YES1: variants seen among roughly 807,000 people sequenced by gnomAD.
YES1 encodes the protein YES proto-oncogene 1, Src family tyrosine kinase.
In YES1, 39 loss-of-function variants were observed where a neutral mutation model predicts 70.4. The ratio of observed to expected loss-of-function variants is 0.55; its 90% confidence interval spans 0.43 to 0.72. YES1 has a LOEUF of 0.72. YES1 is among the 30% of genes least tolerant of loss of function. The pLI is 0.00. For missense variants in YES1, 495 were observed against 644.8 expected (o/e 0.77, Z 2.52); for synonymous variants, 198 against 218.6 (o/e 0.91, Z 0.83).
At chr18:736,783 A>G (rs774143672) in intron 10 of YES1, 25 bp downstream of exon 10, 60 of 1,605,202 alleles carry the variant, frequency 3.7e-5, no homozygotes, top group Non-Finnish European at 4.8e-5. Context: ...ACACATTACA[A>G]GCTTTTATGT....
At chr18:791,176 G>C (rs1906227967) in intron 1 of YES1, among the ~76,000 whole-genome samples, 1 of 151,648 alleles carries the variant, frequency 6.6e-6, no homozygotes, top group Non-Finnish European at 1.5e-5. Context: ...CTTGAGTCCA[G>C]GAGGCGGAGG....
intron 1 of YES1, among the ~76,000 whole-genome samples, chr18:794,562 G>A (rs1436798088): frequency 2.0e-5 from 3 of 151,826 alleles, no homozygotes; most frequent in African/African-American, 7.3e-5. Flanking sequence ...GGCTGCTGTA[G>A]AAAAAAAATG....
chr18:811,720 T>TA (rs1338377634), intron 1 of YES1, among the ~76,000 whole-genome samples: 1 of 152,128 alleles, frequency 6.6e-6, no homozygotes, highest in African/African-American at 2.4e-5. Flanking sequence ...CCCCAGCCTT[T>TA]AGGACCCAAA....
At chr18:774,305 T>C (rs1905278415) in intron 1 of YES1, among the ~76,000 whole-genome samples, 1 of 152,224 alleles carries the variant, frequency 6.6e-6, no homozygotes, top group Admixed American at 6.5e-5. Context: ...CCCAGTCTTA[T>C]ATCTTTAAAT....
At chr18:725,017 C>G (rs983100529) in intron 11 of YES1, among the ~76,000 whole-genome samples, 1 of 152,192 alleles carries the variant, frequency 6.6e-6, no homozygotes, top group Non-Finnish European at 1.5e-5. Flanking sequence ...AACTTTAAAA[C>G]AGGAATTCAG....
intron 10 of YES1, 80 bp downstream of exon 10, chr18:736,728 T>C (rs2080157430): frequency 1.3e-6 from 2 of 1,514,230 alleles, no homozygotes; most frequent in African/African-American, 1.4e-5. Flanking sequence ...ACAATTCTTA[T>C]TCTGGAAAAC....
At chr18:766,759 G>T (rs992875163) in intron 1 of YES1, among the ~76,000 whole-genome samples, 3 of 152,006 alleles carry the variant, frequency 2.0e-5, no homozygotes, top group Admixed American at 2.0e-4. Context: ...AAACTAAAGT[G>T]TCTGTTCAAA....
intron 1 of YES1, among the ~76,000 whole-genome samples, chr18:799,534 A>T (rs994101324): frequency 6.6e-6 from 1 of 151,656 alleles, no homozygotes; most frequent in Non-Finnish European, 1.5e-5. Context: ...ACATGGTGAA[A>T]TCCCATCTTT....
intron 1 of YES1, among the ~76,000 whole-genome samples, chr18:791,332 T>C (rs1459191859): frequency 6.6e-6 from 1 of 151,904 alleles, no homozygotes; most frequent in African/African-American, 2.4e-5. Flanking sequence ...ATCATGCAGC[T>C]TGCAATCTTA....
intron 1 of YES1, among the ~76,000 whole-genome samples, chr18:800,362 C>G (rs968966901): frequency 2.6e-5 from 4 of 152,216 alleles, no homozygotes; most frequent in African/African-American, 4.8e-5. Flanking sequence ...CCTCACGGAG[C>G]TTACATTCCA....
chr18:754,483 C>T (rs1257731101), intron 2 of YES1, among the ~76,000 whole-genome samples: 1 of 152,060 alleles, frequency 6.6e-6, no homozygotes, highest in Non-Finnish European at 1.5e-5. Context: ...AAGGCAGGCA[C>T]ATCCCCTAAA....
At chr18:726,781 CAAAAAAAAAAAAAAAA>C (rs58322434) in intron 11 of YES1, among the ~76,000 whole-genome samples, 23 of 47,254 alleles carry the variant, frequency 4.9e-4, no homozygotes, top group Admixed American at 2.0e-3. Flanking sequence ...ACTCTTGTCT[CAAAAAAAAAAAAAAAA>C]AAAAAAAAAA....
intron 1 of YES1, among the ~76,000 whole-genome samples, chr18:787,482 G>A (rs1906023898): frequency 6.6e-6 from 1 of 152,048 alleles, no homozygotes; most frequent in Admixed American, 6.5e-5. Context: ...GGCCAAGCCA[G>A]GTGGATCACT....
At chr18:748,111 G>A in intron 3 of YES1, 93 bp from the exon 4 acceptor site, 3 of 945,928 alleles carry the variant, frequency 3.2e-6, no homozygotes, top group East Asian at 2.5e-5. Flanking sequence ...GTAAACAAAG[G>A]GTATTACTTT....
intron 1 of YES1, among the ~76,000 whole-genome samples, chr18:766,634 T>C (rs1352141691): frequency 2.0e-5 from 3 of 152,084 alleles, no homozygotes; most frequent in Non-Finnish European, 4.4e-5. Context: ...TGTAGTGATA[T>C]CCCTTTGTGG....
At chr18:763,536 A>C (rs1044434148) in intron 1 of YES1, among the ~76,000 whole-genome samples, 1 of 151,894 alleles carries the variant, frequency 6.6e-6, no homozygotes, top group Non-Finnish European at 1.5e-5. Flanking sequence ...CTCTACAAAA[A>C]ATACAAAAAA....
At chr18:788,798 C>T (rs775975076) in intron 1 of YES1, among the ~76,000 whole-genome samples, 2 of 152,022 alleles carry the variant, frequency 1.3e-5, no homozygotes, top group Non-Finnish European at 2.9e-5. Flanking sequence ...TGGTGGTGTG[C>T]GCCTGTAGTG....
intron 11 of YES1, among the ~76,000 whole-genome samples, chr18:730,328 C>G (rs1210898445): frequency 2.0e-5 from 3 of 150,638 alleles, no homozygotes; most frequent in African/African-American, 7.4e-5. Context: ...TAGAACTGAC[C>G]AAGGACCCAA....
rs2080299354 is a variant in YES1, at chr18:747,935, G to C, written c.455C>G (p.Ser152Cys). ...IPSNYVAPAD[S>C]IQAEEWYFGK... ...AGTGCCATACTCTTCTGCCTGAATG[G>C]AATCTGCAGGCGCTACATAATTGCT... The change falls in exon 4 of 12, where the codon TCC becomes TGC. Residue 152 changes from serine (S) to cysteine (C), a missense_variant. Ser to Cys is a moderately radical substitution (Grantham distance 112). Around this residue, in one of 2 missense-constraint regions of YES1, gnomAD observed 385 missense variants for 540.9 expected, o/e 0.71. Transcript: ENST00000314574. The C allele has an allele frequency of 6.2e-7, 1 of 1,613,246 alleles. No individual in the cohort carries two copies. The highest frequency in any genetic ancestry group is 1.3e-5 in the African/African-American group (1 of 74,906).
Sources: gnomAD v4.1 joint callset for allele counts (sites outside exome capture counted in the v4.1 genomes callset) on GRCh38, gnomAD v4.1.1 for gene constraint, gnomAD v4.1.1 regional missense constraint, MANE v1.5 for transcripts, NCBI Gene and HGNC (gene_info 2026-07-23, HGNC 2026-07-21) for gene names.